Variants in CNTLN observed in about 807,000 individuals in gnomAD.
CNTLN encodes centlein, centrosomal protein.
A neutral mutation model predicts 180.0 loss-of-function variants in CNTLN; 212 were observed. The observed-to-expected ratio is 1.18, with a 90% CI of 1.05 to 1.32. The LOEUF is 1.32. Among genes scored for constraint, CNTLN ranks in the 40% most tolerant of loss-of-function variants. The pLI is 0.00. For synonymous variants in CNTLN, 722 were observed against 563.1 expected (o/e 1.28, Z -3.99); for missense variants, 2,095 against 1,610.9 (o/e 1.30, Z -5.14).
rs1458100969 is a variant in CNTLN at position 17,173,745 on chromosome 9, GA to G, written c.449+30372del. ...ATTTTAGGGTCAGCGATTTTTTAAG[GA>G]AATAGTAGGTAGCCATTTTTTAAAA... On this transcript the variant is annotated intron_variant, in intron 2 of 25. Coordinates refer to ENST00000380647, the MANE Select transcript of CNTLN (RefSeq NM_017738.4). 2.0e-5 allele frequency among the ~76,000 whole-genome samples: 3 copies of G among 152,270 alleles called. No homozygotes were observed. In the East Asian group the frequency reaches 5.8e-4, roughly 29 times the overall value.
rs7033110 is a variant in CNTLN, at chr9:17,288,066, G to C, written c.984-10124G>C. 5.8e-3 allele frequency among the ~76,000 whole-genome samples: 719 copies of C among 123,422 alleles called. 7 individuals carry two copies. The highest frequency in any genetic ancestry group is 0.02 in the African/African-American group (528 of 26,986). 81.0% of individuals were successfully genotyped at this position (123,422 alleles called of 152,430 possible). A position where few individuals can be genotyped will look rare whatever the true frequency, so the allele number is the denominator to read the frequency against. ...TTCTGCTAGCTTTTGAATGTGTTTG[G>C]TCTTGCTTTTCTAGTTCTTTTAATT... On this transcript the variant is annotated intron_variant, in intron 6 of 25. Transcript: ENST00000380647.
chr9:17,288,758 G>A (rs1158650270), intron 6 of CNTLN, among the ~76,000 whole-genome samples: 2 of 137,602 alleles, frequency 1.5e-5, no homozygotes, highest in East Asian at 4.1e-4. Context: ...TTACCATTAT[G>A]TAATGGCCTT....
intron 2 of CNTLN, among the ~76,000 whole-genome samples, chr9:17,172,463 T>C (rs967599937): frequency 6.6e-6 from 1 of 152,178 alleles, no homozygotes; most frequent in African/African-American, 2.4e-5. Flanking sequence ...CCATTTTTCT[T>C]GTGTAGATTC....
intron 8 of CNTLN, among the ~76,000 whole-genome samples, chr9:17,318,629 A>C (rs1441012699): frequency 6.6e-6 from 1 of 152,224 alleles, no homozygotes; most frequent in East Asian, 1.9e-4. Flanking sequence ...TTTTTGAGGC[A>C]AGAAAGATTA....
intron 8 of CNTLN, among the ~76,000 whole-genome samples, chr9:17,327,265 G>A (rs1235327998): frequency 2.2e-5 from 3 of 134,148 alleles, no homozygotes; most frequent in Non-Finnish European, 4.9e-5. Context: ...AGGCTGGAGG[G>A]CAGTGGCGCA....
At chr9:17,294,832 G>A (rs1331006397) in intron 6 of CNTLN, among the ~76,000 whole-genome samples, 2 of 28,178 alleles carry the variant, frequency 7.1e-5, no homozygotes, top group East Asian at 1.8e-3. Context: ...GGGAGGGCGG[G>A]GAGGAGGGGG....
chr9:17,265,643 A>G (rs1827369598), intron 5 of CNTLN, among the ~76,000 whole-genome samples: 2 of 152,150 alleles, frequency 1.3e-5, no homozygotes, highest in Non-Finnish European at 2.9e-5. Flanking sequence ...CTCTGGTAGA[A>G]TTCGGCTGTG....
At chr9:17,238,086 A>C (rs1825266047) in intron 5 of CNTLN, among the ~76,000 whole-genome samples, 1 of 151,718 alleles carries the variant, frequency 6.6e-6, no homozygotes, top group Admixed American at 6.6e-5. Flanking sequence ...ATTTGCTGTG[A>C]CTTGTGTTAC....
In CNTLN at chr9:17,156,045, C is replaced by A. The variant is rs192077565; in HGVS notation, c.449+12669C>A. 2.5e-3 allele frequency among the ~76,000 whole-genome samples: 386 copies of A among 152,304 alleles called. 2 individuals are homozygous for A. Among genetic ancestry groups the A allele is most frequent in the African/African-American group, 8.7e-3 (363 of 41,582 alleles). On this transcript the variant is annotated intron_variant, in intron 2 of 25. Transcript: ENST00000380647. ...GGTGCCCCACCCTGCTTCGGCTAGC[C>A]CTCTGTGGGCTGCACCCACTGTTCA...
At chr9:17,199,792 C>T (rs571744693) in intron 2 of CNTLN, among the ~76,000 whole-genome samples, 1 of 152,146 alleles carries the variant, frequency 6.6e-6, no homozygotes, top group South Asian at 2.1e-4. Flanking sequence ...TGTAGGTTGC[C>T]TGTTCATTCT....
chr9:17,153,140 G>C (rs1819013438), intron 2 of CNTLN, among the ~76,000 whole-genome samples: 1 of 152,174 alleles, frequency 6.6e-6, no homozygotes. Context: ...TTTAATTGGG[G>C]CACTTAGCCC....
At chr9:17,513,314 C>T in the CNTLN span, among the ~76,000 whole-genome samples, 2 of 151,374 alleles carry the variant, frequency 1.3e-5, no homozygotes, top group Admixed American at 6.6e-5. Flanking sequence ...TGAGACATAG[C>T]TAAAGCTCTA....
chr9:17,225,798 G>C (rs967629480), intron 2 of CNTLN, among the ~76,000 whole-genome samples: 6 of 151,866 alleles, frequency 4.0e-5, no homozygotes, highest in African/African-American at 1.4e-4. Flanking sequence ...TCTAGTTATA[G>C]GGTATCGACT....
At chr9:17,292,084 C>T (rs1228488634) in intron 6 of CNTLN, among the ~76,000 whole-genome samples, 1 of 152,132 alleles carries the variant, frequency 6.6e-6, no homozygotes, top group Non-Finnish European at 1.5e-5. Context: ...AAATGAAATT[C>T]AGGATTGGAA....
intron 25 of CNTLN, among the ~76,000 whole-genome samples, chr9:17,491,496 A>G (rs1833161120): frequency 6.6e-6 from 1 of 152,122 alleles, no homozygotes. Context: ...GGTCTTTACT[A>G]AGATTTCTAT....
intron 5 of CNTLN, among the ~76,000 whole-genome samples, chr9:17,240,813 C>T (rs1825438722): frequency 6.6e-6 from 1 of 152,120 alleles, no homozygotes; most frequent in African/African-American, 2.4e-5. Context: ...CTCAAGAAAT[C>T]TTTGTCCAGT....
At chr9:17,164,887 G>T (rs1204964739) in intron 2 of CNTLN, among the ~76,000 whole-genome samples, 1 of 140,996 alleles carries the variant, frequency 7.1e-6, no homozygotes, top group African/African-American at 2.7e-5. Context: ...CCAGGCTCAA[G>T]TGCAGTGGTG....
At chr9:17,461,602 T>C (rs1315941451) in intron 19 of CNTLN, among the ~76,000 whole-genome samples, 12 of 151,768 alleles carry the variant, frequency 7.9e-5, no homozygotes, top group African/African-American at 2.7e-4. Context: ...CCTTGGGTAA[T>C]TAATAGTTTA....
chr9:17,454,285 C>A (rs868811325), intron 18 of CNTLN, among the ~76,000 whole-genome samples: 8 of 151,918 alleles, frequency 5.3e-5, no homozygotes, highest in African/African-American at 7.2e-5. Flanking sequence ...TATTTTATAA[C>A]CTTTGGTTAG....
Sources: allele counts gnomAD v4.1 joint callset (sites outside exome capture counted in the v4.1 genomes callset), GRCh38; gene constraint gnomAD v4.1.1; transcripts MANE v1.5; gene names NCBI Gene and HGNC (gene_info 2026-07-23, HGNC 2026-07-21).